ERVH48-1: variants seen among roughly 807,000 people sequenced by gnomAD.
ERVH48-1 encodes suppressyn.
In ERVH48-1, 4 loss-of-function variants were observed where a neutral mutation model predicts 2.4. The ratio of observed to expected loss-of-function variants is 1.68; its 90% CI spans 0.83 to 3.84. The LOEUF (loss-of-function observed/expected upper bound fraction) is 3.84. ERVH48-1 is among the 30% of genes most tolerant of loss of function. The pLI, the probability that ERVH48-1 is intolerant of heterozygous loss-of-function variation, is 0.01. For synonymous variants in ERVH48-1, 32 were observed against 15.5 expected (o/e 2.06, Z -2.49); for missense variants, 97 against 43.4 (o/e 2.23, Z -3.47).
intron 1 of ERVH48-1, among the ~76,000 whole-genome samples, chr21:42,924,837 G>A (rs939320544): frequency 2.6e-5 from 4 of 152,096 alleles, no homozygotes; most frequent in Admixed American, 6.5e-5. Flanking sequence ...GGAGGGAGAC[G>A]ATAAAAGGAG....
At chr21:42,921,004 G>A (rs953606714) in intron 1 of ERVH48-1, among the ~76,000 whole-genome samples, 5 of 152,188 alleles carry the variant, frequency 3.3e-5, no homozygotes, top group Admixed American at 3.3e-4. Context: ...TGTTAGGTTG[G>A]CATCAAGAGA....
intron 1 of ERVH48-1, among the ~76,000 whole-genome samples, chr21:42,922,175 A>G (rs1361508151): frequency 6.6e-6 from 1 of 151,836 alleles, no homozygotes; most frequent in African/African-American, 2.4e-5. Context: ...CTGGGTGGGG[A>G]TTTTAAGGGT....
intron 1 of ERVH48-1, among the ~76,000 whole-genome samples, chr21:42,919,547 C>T (rs2058799407): frequency 1.3e-5 from 2 of 152,172 alleles, no homozygotes; most frequent in South Asian, 2.1e-4. Flanking sequence ...TTCTCGTACA[C>T]GACTGGCAGA....
chr21:42,920,067 GTT>G, intron 1 of ERVH48-1, among the ~76,000 whole-genome samples: 1 of 31,918 alleles, frequency 3.1e-5, no homozygotes, highest in African/African-American at 3.9e-4. Context: ...TGCAGGACAG[GTT>G]TGTACCCGAC....
At chr21:42,924,108 T>A (rs1218986415) in intron 1 of ERVH48-1, among the ~76,000 whole-genome samples, 1 of 152,152 alleles carries the variant, frequency 6.6e-6, no homozygotes, top group South Asian at 2.1e-4. Context: ...AAGTGGTTCC[T>A]GCTGAGGGTT....
rs1287290998 is a variant in ERVH48-1 at position 42,917,149 on chromosome 21, A to ATCGTC, written c.*1374_*1375insGACGA. ...TTTGGTTATAGAAAAGGGGAAAGGG[A>ATCGTC]CGACTTTCTCAATAACTACTTCAGG... is the stretch of plus-strand genomic sequence containing the variant. On this transcript the variant is annotated 3_prime_UTR_variant, in exon 2 of 2. Coordinates refer to ENST00000447535, the MANE Select transcript of ERVH48-1 (RefSeq NM_001308491.2). 6.6e-6 allele frequency: 1 copy of ATCGTC among 152,138 alleles called. No individual in the cohort carries two copies. Among genetic ancestry groups the ATCGTC allele is most frequent in the Non-Finnish European group, 1.5e-5 (1 of 68,022 alleles). The allele number at this position is 152,138 out of a possible 1,614,324, so 9.4% of individuals were successfully genotyped here.
At chr21:42,921,778 T>A (rs532164934) in intron 1 of ERVH48-1, among the ~76,000 whole-genome samples, 1 of 151,932 alleles carries the variant, frequency 6.6e-6, no homozygotes, top group Non-Finnish European at 1.5e-5. Context: ...CTTGAGGTAG[T>A]AGGCACCAGT....
At chr21:42,922,691 G>T (rs1198734816) in intron 1 of ERVH48-1, among the ~76,000 whole-genome samples, 1 of 140,126 alleles carries the variant, frequency 7.1e-6, no homozygotes, top group African/African-American at 2.7e-5. Flanking sequence ...AGTGAGCGGA[G>T]ATTGCGCCAC....
At chr21:42,919,352 C>T in intron 1 of ERVH48-1, 61 bp from the exon 2 acceptor site, 1 of 194,176 alleles carries the variant, frequency 5.1e-6, no homozygotes, top group East Asian at 1.2e-4. Flanking sequence ...GGCATGGCCT[C>T]ACTCACTGCT....
At position 42,919,855 on chromosome 21, in the gene ERVH48-1, A is replaced by G. The variant is rs142665686; in HGVS notation, c.-285-564T>C. 4.3e-3 allele frequency among the ~76,000 whole-genome samples: 657 copies of G among 152,298 alleles called. 5 individuals carry two copies. Among genetic ancestry groups the G allele is most frequent in the African/African-American group, 0.015 (630 of 41,564 alleles). The stretch of plus-strand genomic sequence containing the variant: ...AAAGTACAGACAAAGACTAGAAGAT[A>G]GTGGAGCCATTTATGGGGCAGCATG... On this transcript the variant is annotated intron_variant, in intron 1 of 1. Transcript: ENST00000447535.
chr21:42,921,109 A>G (rs530363905), intron 1 of ERVH48-1, among the ~76,000 whole-genome samples: 12 of 152,056 alleles, frequency 7.9e-5, no homozygotes, highest in African/African-American at 2.9e-4. Context: ...CTGTTTAGAG[A>G]GGTAGGCAAC....
rs1445027452 is a variant in ERVH48-1 at position 42,919,306 on chromosome 21, T to G, written c.-285-15A>C. On this transcript the variant is annotated splice_polypyrimidine_tract_variant and intron_variant, in intron 1 of 1. Coordinates refer to ENST00000447535, the MANE Select transcript of ERVH48-1 (RefSeq NM_001308491.2). ...CACGTCTGTGCCTGCAAGACAGTTA[T>G]GATGTTGAGAGGATAAGGAGGTGTC... is the stretch of plus-strand genomic sequence containing the variant. The G allele has an allele frequency of 2.1e-5, 5 of 238,518 alleles. No individual in the cohort carries two copies. In the South Asian group the frequency reaches 2.3e-4, roughly 11 times the overall value. 14.8% of individuals were successfully genotyped at this position (238,518 alleles called of 1,614,324 possible).
intron 1 of ERVH48-1, among the ~76,000 whole-genome samples, chr21:42,920,128 C>T (rs1202175129): frequency 1.3e-5 from 2 of 149,756 alleles, no homozygotes; most frequent in Non-Finnish European, 3.0e-5. Flanking sequence ...GGTTTGTACC[C>T]GACATGGAAA....
At chr21:42,923,827 A>G (rs929028462) in intron 1 of ERVH48-1, among the ~76,000 whole-genome samples, 5 of 152,192 alleles carry the variant, frequency 3.3e-5, no homozygotes, top group African/African-American at 1.2e-4. Flanking sequence ...GGAAGAGAGG[A>G]TAACGTAGAG....
intron 1 of ERVH48-1, among the ~76,000 whole-genome samples, chr21:42,923,311 C>CTAA (rs2058812548): frequency 1.3e-5 from 2 of 152,262 alleles, no homozygotes; most frequent in Non-Finnish European, 2.9e-5. Flanking sequence ...ATTCGAAACT[C>CTAA]TGCCTGTTTT....
chr21:42,918,889 C>T lies in ERVH48-1; in HGVS notation c.118G>A (p.Ala40Thr), dbSNP rs1446674040. 1 of 473,466 alleles carries T rather than the reference C, an allele frequency of 2.1e-6. No individual in the cohort carries two copies. The highest frequency in any genetic ancestry group is 4.1e-6 in the Non-Finnish European group (1 of 242,346). The allele number at this position is 473,466 out of a possible 1,614,324, so 29.3% of individuals were successfully genotyped here. ...TAACACTCACGGCAGCTCGGAGGGG[C>T]TGCTGTGGACAGCAGGACAGCTACT... is the stretch of plus-strand genomic sequence containing the variant. ...LSVAVLLSTAAPPSCRECYQS... is the reference protein window; with the variant it reads ...LSVAVLLSTATPPSCRECYQS... The change falls in exon 2 of 2, where the codon GCC becomes ACC. Residue 40 changes from alanine (A) to threonine (T), a missense_variant. Physicochemically the swap from Ala to Thr is moderately conservative, Grantham distance 58 (BLOSUM62 0). Coordinates refer to ENST00000447535, the MANE Select transcript of ERVH48-1 (RefSeq NM_001308491.2).
chr21:42,919,755 A>G (rs2058799988), intron 1 of ERVH48-1, among the ~76,000 whole-genome samples: 4 of 152,164 alleles, frequency 2.6e-5, no homozygotes, highest in African/African-American at 9.7e-5. Flanking sequence ...ACAGGGAATT[A>G]TATGCATGTT....
chr21:42,918,931 T>C lies in ERVH48-1; in HGVS notation c.76A>G (p.Thr26Ala), dbSNP rs557650460. Residue 26 changes from threonine (T) to alanine (A), a missense_variant, in exon 2 of 2, where the codon ACG (threonine) becomes GCG (alanine). Transcript: ENST00000447535. ...KSLNMGISLT[T>A]ILILSVAVLL... ...ACAGCTACTGACAGTATTAGGATCGTGGTGAGGGATATTCCCATATTAAGA... is the reference window on the plus strand; with the variant it reads ...ACAGCTACTGACAGTATTAGGATCGCGGTGAGGGATATTCCCATATTAAGA... The C allele has an allele frequency of 1.9e-5, 11 of 587,888 alleles. No individual in the cohort carries two copies. In the Admixed American group the frequency reaches 2.6e-4, roughly 14 times the overall value. The allele number at this position is 587,888 out of a possible 1,614,324, so 36.4% of individuals were successfully genotyped here.
Position 42,918,962 on chromosome 21 carries a change from G to T in ERVH48-1, c.45C>A (p.Thr15=). Residue 15 remains threonine, a synonymous_variant, in exon 2 of 2, where the codon ACC becomes ACA. Coordinates refer to ENST00000447535, the MANE Select transcript of ERVH48-1 (RefSeq NM_001308491.2). The stretch of plus-strand genomic sequence containing the variant: ...GGGATATTCCCATATTAAGACTTTT[G>T]GTTGGAAGAGAGGTATAGAAAGTGG... The part of the protein sequence containing the change: ...YPTTFYTSLP[T]KSLNMGISLT... 2.4e-6 allele frequency: 2 copies of T among 828,890 alleles called. No homozygotes were observed. The highest frequency in any genetic ancestry group is 1.8e-6 in the Non-Finnish European group (1 of 568,220). The allele number at this position is 828,890 out of a possible 1,614,324, so 51.3% of individuals were successfully genotyped here.
Sources: gnomAD v4.1 joint callset for allele counts (sites outside exome capture counted in the v4.1 genomes callset) on GRCh38, gnomAD v4.1.1 for gene constraint, MANE v1.5 for transcripts, NCBI Gene and HGNC (gene_info 2026-07-23, HGNC 2026-07-21) for gene names.